ATP10B: variants seen among roughly 807,000 people sequenced by gnomAD.
The protein encoded by ATP10B is phospholipid-transporting ATPase VB.
Under a neutral mutation model 141.2 loss-of-function variants are expected in ATP10B, and 122 were observed. That is an observed-to-expected ratio of 0.86 (90% CI 0.75 to 1.00). ATP10B has a LOEUF of 1.00. Ranked by LOEUF, ATP10B falls within the 50% of genes least tolerant of loss-of-function variation. ATP10B has a pLI of 0.00. For synonymous variants in ATP10B, 685 were observed against 692.0 expected (o/e 0.99, Z 0.16); for missense variants, 1,876 against 1,825.3 (o/e 1.03, Z -0.51).
At chr5:160,736,774 T>TCTA (rs918120988) in intron 2 of ATP10B, among the ~76,000 whole-genome samples, 42 of 151,904 alleles carry the variant, frequency 2.8e-4, no homozygotes, top group African/African-American at 9.9e-4. Context: ...GAAAAAAAAG[T>TCTA]CTACTAGTAA....
intron 24 of ATP10B, among the ~76,000 whole-genome samples, chr5:160,571,684 A>G (rs2127594919): frequency 6.6e-6 from 1 of 151,998 alleles, no homozygotes; most frequent in East Asian, 1.9e-4. Flanking sequence ...CTGCATATGC[A>G]TGTGTGTGTG....
chr5:160,822,166 A>G (rs2127963396), intron 1 of ATP10B, among the ~76,000 whole-genome samples: 1 of 152,296 alleles, frequency 6.6e-6, no homozygotes. Flanking sequence ...ACTCTACAGG[A>G]AAAAAATCTA....
At chr5:160,821,504 TA>T (rs954435056) in intron 1 of ATP10B, among the ~76,000 whole-genome samples, 1 of 152,020 alleles carries the variant, frequency 6.6e-6, no homozygotes, top group East Asian at 1.9e-4. Flanking sequence ...TACAGAAATA[TA>T]AAAAAATCTT....
intron 1 of ATP10B, among the ~76,000 whole-genome samples, chr5:160,850,662 G>A (rs981892791): frequency 1.6e-4 from 25 of 152,116 alleles, no homozygotes; most frequent in African/African-American, 6.0e-4. Flanking sequence ...AAGGCTCATC[G>A]TTTAGCACGA....
chr5:160,663,243 G>A (rs958386267), intron 7 of ATP10B, among the ~76,000 whole-genome samples: 2 of 152,098 alleles, frequency 1.3e-5, no homozygotes, highest in Non-Finnish European at 2.9e-5. Flanking sequence ...ATTCCTCAGG[G>A]ATCTAGAACT....
At chr5:160,737,446 A>C (rs1026724882) in intron 2 of ATP10B, among the ~76,000 whole-genome samples, 1 of 152,180 alleles carries the variant, frequency 6.6e-6, no homozygotes, top group African/African-American at 2.4e-5. Flanking sequence ...TCCAAACTGG[A>C]ATGGAAGAAG....
chr5:160,848,711 G>A (rs1200529236), intron 1 of ATP10B, among the ~76,000 whole-genome samples: 2 of 152,294 alleles, frequency 1.3e-5, no homozygotes, highest in East Asian at 1.9e-4. Context: ...GTTGAAATGG[G>A]AGATTAGCAA....
Position 160,565,284 on chromosome 5 carries a change from C to T in ATP10B, c.*169G>A, listed in dbSNP as rs1186718018. 4 of 673,112 alleles carry T rather than the reference C, an allele frequency of 5.9e-6. No individual in the cohort carries two copies. Among genetic ancestry groups the T allele is most frequent in the Admixed American group, 5.9e-5 (2 of 33,714 alleles). The allele number at this position is 673,112 out of a possible 1,614,324, so 41.7% of individuals were successfully genotyped here. On this transcript the variant is annotated 3_prime_UTR_variant, in exon 26 of 26. Coordinates refer to ENST00000327245, the MANE Select transcript of ATP10B (RefSeq NM_025153.3). ...ACTAGAGGCCGACTGGGTTTCCCGT[C>T]TTTGTGTCAGACCCCTTGGGGCCAG...
At chr5:160,909,403 C>T in the ATP10B span, among the ~76,000 whole-genome samples, 1 of 152,268 alleles carries the variant, frequency 6.6e-6, no homozygotes, top group East Asian at 1.9e-4. Flanking sequence ...GGTCTTATCA[C>T]ATAGCACACT....
chr5:160,897,943 C>T, the ATP10B span, among the ~76,000 whole-genome samples: 2 of 152,082 alleles, frequency 1.3e-5, no homozygotes, highest in South Asian at 2.1e-4. Flanking sequence ...AATGAGGAAA[C>T]GATGCCCTAT....
chr5:160,624,602 T>C (rs1758518488), intron 13 of ATP10B, among the ~76,000 whole-genome samples: 1 of 152,216 alleles, frequency 6.6e-6, no homozygotes, highest in African/African-American at 2.4e-5. Flanking sequence ...CACACACATA[T>C]TATCCATGCT....
chr5:160,630,849 T>C (rs897539101), intron 13 of ATP10B, among the ~76,000 whole-genome samples: 10 of 152,240 alleles, frequency 6.6e-5, no homozygotes, highest in Non-Finnish European at 1.0e-4. Flanking sequence ...GAACTCAACT[T>C]TGTCCTCACC....
intron 24 of ATP10B, among the ~76,000 whole-genome samples, chr5:160,582,516 A>T (rs1755619479): frequency 6.6e-6 from 1 of 152,214 alleles, no homozygotes; most frequent in Non-Finnish European, 1.5e-5. Context: ...ATCTGCTGTT[A>T]GTCTGATGGA....
At chr5:160,873,457 G>A in the ATP10B span, among the ~76,000 whole-genome samples, 4 of 152,202 alleles carry the variant, frequency 2.6e-5, no homozygotes, top group Non-Finnish European at 5.9e-5. Context: ...AATAGTATTT[G>A]TTCACAGATG....
the ATP10B span, among the ~76,000 whole-genome samples, chr5:160,880,175 ATAATG>A: frequency 6.8e-6 from 1 of 147,282 alleles, no homozygotes; most frequent in Non-Finnish European, 1.5e-5. Context: ...ATAAAAATAT[ATAATG>A]TAAATATTTT....
chr5:160,589,693 A>G lies in ATP10B; in HGVS notation c.3649T>C (p.Tyr1217His). Reference protein sequence around the residue: ...LICFFIPYLAYKGSDIDVFTF... With the variant: ...LICFFIPYLAHKGSDIDVFTF... ...AAGACATCTATATCAGAGCCCTTAT[A>G]GGCCTGCAGAGGAGGAACAGACAGG... Residue 1217 changes from tyrosine (Y) to histidine (H), a missense_variant, in exon 24 of 26, where the codon TAT becomes CAT. Physicochemically the swap from Tyr to His is moderately conservative, Grantham distance 83. Coordinates refer to ENST00000327245, the MANE Select transcript of ATP10B (RefSeq NM_025153.3). 1 of 1,610,626 alleles carries G rather than the reference A, an allele frequency of 6.2e-7. No individual in the cohort carries two copies. Among genetic ancestry groups the G allele is most frequent in the Non-Finnish European group, 8.5e-7 (1 of 1,176,802 alleles).
At chr5:160,889,348 G>C in the ATP10B span, among the ~76,000 whole-genome samples, 1 of 152,184 alleles carries the variant, frequency 6.6e-6, no homozygotes, top group Non-Finnish European at 1.5e-5. Flanking sequence ...GGTAAGACCT[G>C]CTTCTTGCAA....
In ATP10B at chr5:160,846,474, T is replaced by C. The variant is rs184203405; in HGVS notation, c.-576+5467A>G. ...AAGACCAATCCCATTATTTTACAAA[T>C]GGGAGAATTAAGACCTAGAGTTCAC... is the stretch of plus-strand genomic sequence containing the variant. On this transcript the variant is annotated intron_variant, in intron 1 of 25. Coordinates refer to ENST00000327245, the MANE Select transcript of ATP10B (RefSeq NM_025153.3). Among the ~76,000 whole-genome samples, 113 of 152,294 alleles carry C rather than the reference T, an allele frequency of 7.4e-4. 1 individual carries two copies. The highest frequency in any genetic ancestry group is 2.5e-3 in the African/African-American group (106 of 41,570).
the ATP10B span, among the ~76,000 whole-genome samples, chr5:160,869,707 T>C: frequency 6.6e-6 from 1 of 152,108 alleles, no homozygotes; most frequent in East Asian, 1.9e-4. Context: ...CAGCAAACCA[T>C]GGCTTGCTGG....
Sources: gnomAD v4.1 joint callset for allele counts (sites outside exome capture counted in the v4.1 genomes callset) on GRCh38, gnomAD v4.1.1 for gene constraint, MANE v1.5 for transcripts, NCBI Gene and HGNC (gene_info 2026-07-23, HGNC 2026-07-21) for gene names.